The following PTPRQ variants were observed in gnomAD, a reference collection of about 807,000 sequenced individuals.
PTPRQ encodes phosphatidylinositol phosphatase PTPRQ.
PTPRQ carries 199 observed loss-of-function variants against 246.0 expected under a neutral mutation model. The ratio of observed to expected loss-of-function variants is 0.81; its 90% CI spans 0.72 to 0.91. The LOEUF is 0.91. PTPRQ is among the 40% of genes least tolerant of loss of function. The pLI, the probability that PTPRQ is intolerant of heterozygous loss-of-function variation, is 0.00. For synonymous variants in PTPRQ, 869 were observed against 853.2 expected (o/e 1.02, Z -0.32); for missense variants, 2,624 against 2,528.4 (o/e 1.04, Z -0.81).
intron 3 of PTPRQ, among the ~76,000 whole-genome samples, chr12:80,450,108 G>C (rs1314261721): frequency 1.3e-5 from 2 of 151,984 alleles, no homozygotes; most frequent in African/African-American, 2.4e-5. Context: ...TTGTAAGGTG[G>C]ATTCCTAGGT....
At chr12:80,652,857 G>T in intron 38 of PTPRQ, 23 bp downstream of exon 38, 1 of 1,429,904 alleles carries the variant, frequency 7.0e-7, no homozygotes, top group South Asian at 1.7e-5. Context: ...GTTGGTTTTG[G>T]TTTAGCTAGG....
intron 26 of PTPRQ, among the ~76,000 whole-genome samples, chr12:80,596,921 A>G (rs900177155): frequency 6.6e-6 from 1 of 152,056 alleles, no homozygotes; most frequent in African/African-American, 2.4e-5. Context: ...TGTGTTTGCT[A>G]TGTGCTGGTA....
chr12:80,663,209 T>C (rs1429579456), intron 39 of PTPRQ, among the ~76,000 whole-genome samples: 1 of 151,814 alleles, frequency 6.6e-6, no homozygotes, highest in African/African-American at 2.4e-5. Context: ...TCATATAATG[T>C]TAGTTTTGTA....
intron 3 of PTPRQ, among the ~76,000 whole-genome samples, chr12:80,455,045 T>C (rs1018406545): frequency 6.6e-6 from 1 of 152,088 alleles, no homozygotes. Context: ...TGGTGGCGAG[T>C]GCCTGTAATC....
chr12:80,464,032 T>C (rs1214900343), intron 6 of PTPRQ, among the ~76,000 whole-genome samples: 1 of 151,826 alleles, frequency 6.6e-6, no homozygotes, highest in Non-Finnish European at 1.5e-5. Flanking sequence ...TAACTTTAAA[T>C]GTAAATGGAC....
At chr12:80,468,264 G>T (rs1010914630) in intron 6 of PTPRQ, among the ~76,000 whole-genome samples, 1 of 152,012 alleles carries the variant, frequency 6.6e-6, no homozygotes, top group African/African-American at 2.4e-5. Flanking sequence ...AAAATTATTT[G>T]CTCATAATTT....
rs772277829 is a variant in PTPRQ, at chr12:80,468,754, G to A, written c.955G>A (p.Gly319Arg). The A allele has an allele frequency of 8.3e-5, 128 of 1,549,988 alleles. No homozygotes were observed. Among genetic ancestry groups the A allele is most frequent in the Non-Finnish European group, 1.1e-4 (125 of 1,146,262 alleles). Residue 319 changes from glycine to arginine, a missense_variant, in exon 7 of 45, where the codon GGA (glycine) becomes AGA (arginine). Physicochemically the swap from Gly to Arg is moderately radical, Grantham distance 125 (BLOSUM62 -2). Coordinates refer to ENST00000644991, the MANE Select transcript of PTPRQ (RefSeq NM_001145026.2). Reference protein sequence around the residue: ...PQNCVTGNITGKSFSILWDPP... With the variant: ...PQNCVTGNITRKSFSILWDPP... ...AAACTGCGTAACAGGCAACATCACA[G>A]GAAAGTCCTTTTCAATTTTATGGGA...
At chr12:80,634,112 G>C (rs1334136056) in intron 34 of PTPRQ, among the ~76,000 whole-genome samples, 1 of 152,088 alleles carries the variant, frequency 6.6e-6, no homozygotes, top group East Asian at 1.9e-4. Flanking sequence ...TGTCTTATGT[G>C]TTGTAATTTG....
chr12:80,585,413 A>T (rs1301966147), intron 25 of PTPRQ, among the ~76,000 whole-genome samples: 2 of 152,136 alleles, frequency 1.3e-5, no homozygotes, highest in African/African-American at 2.4e-5. Flanking sequence ...GGCCACTGTG[A>T]TCTCTTGTGT....
At chr12:80,648,770 ATTAG>A (rs1224400687) in intron 35 of PTPRQ, 123 bp from the exon 36 acceptor site, 22 of 676,766 alleles carry the variant, frequency 3.3e-5, no homozygotes, top group African/African-American at 1.9e-4. Flanking sequence ...ATGATCATAT[ATTAG>A]TTAAAGGCAT....
intron 3 of PTPRQ, among the ~76,000 whole-genome samples, chr12:80,455,594 GTTT>G (rs35890290): frequency 2.2e-5 from 3 of 135,018 alleles, no homozygotes; most frequent in Middle Eastern, 3.5e-3. Context: ...TTACATAGTT[GTTT>G]TTTTTTTTTT....
At chr12:80,649,960 A>G (rs188461516) in intron 37 of PTPRQ, among the ~76,000 whole-genome samples, 2 of 152,242 alleles carry the variant, frequency 1.3e-5, no homozygotes, top group East Asian at 3.9e-4. Context: ...TGTAGGTGCA[A>G]ATGTAGAATG....
intron 25 of PTPRQ, among the ~76,000 whole-genome samples, chr12:80,586,062 A>G (rs1897606950): frequency 6.6e-6 from 1 of 151,744 alleles, no homozygotes. Context: ...AAGGACATGA[A>G]CTCATCATTT....
intron 24 of PTPRQ, among the ~76,000 whole-genome samples, chr12:80,547,667 C>CT (rs1188843022): frequency 6.6e-6 from 1 of 152,132 alleles, no homozygotes. Context: ...GTTGTATAAT[C>CT]TTGGCAAAGG....
At chr12:80,640,397 T>G (rs561420270) in intron 35 of PTPRQ, among the ~76,000 whole-genome samples, 334 of 152,334 alleles carry the variant, frequency 2.2e-3, no homozygotes, top group Non-Finnish European at 4.4e-3. Flanking sequence ...TATATTTTAC[T>G]TCCGTTCTAA....
chr12:80,452,308 C>T (rs1892791930), intron 3 of PTPRQ, among the ~76,000 whole-genome samples: 2 of 151,768 alleles, frequency 1.3e-5, no homozygotes, highest in East Asian at 1.9e-4. Flanking sequence ...TGGGTCTTGA[C>T]TCTTTATCCA....
intron 25 of PTPRQ, among the ~76,000 whole-genome samples, chr12:80,570,438 T>C (rs1431767109): frequency 6.6e-6 from 1 of 152,060 alleles, no homozygotes; most frequent in Non-Finnish European, 1.5e-5. Flanking sequence ...TGTTTGTTTT[T>C]TTTCTTGTAA....
chr12:80,608,128 T>G (rs1180955383), intron 27 of PTPRQ, among the ~76,000 whole-genome samples: 1 of 149,910 alleles, frequency 6.7e-6, no homozygotes, highest in Non-Finnish European at 1.5e-5. Flanking sequence ...TGGGAAAGGG[T>G]GGAGGCGGGG....
At chr12:80,542,640 T>A (rs1253940462) in intron 22 of PTPRQ, 90 bp from the exon 23 acceptor site, 1 of 1,345,352 alleles carries the variant, frequency 7.4e-7, no homozygotes, top group South Asian at 1.5e-5. Flanking sequence ...TAAATCTTTT[T>A]AAACTAGTGT....
Sources: allele counts gnomAD v4.1 joint callset (sites outside exome capture counted in the v4.1 genomes callset), GRCh38; gene constraint gnomAD v4.1.1; transcripts MANE v1.5; gene names NCBI Gene and HGNC (gene_info 2026-07-23, HGNC 2026-07-21).